SORCS2: variants seen among roughly 807,000 people sequenced by gnomAD.
SORCS2 encodes sortilin related VPS10 domain containing receptor 2.
Under a neutral mutation model 141.6 loss-of-function variants are expected in SORCS2, and 100 were observed. The ratio of observed to expected loss-of-function variants is 0.71; its 90% confidence interval spans 0.60 to 0.83. SORCS2 has a LOEUF of 0.83. Among genes scored for constraint, SORCS2 ranks in the 40% least tolerant of loss-of-function variants. The pLI is 0.00. For missense variants in SORCS2, 1,646 were observed against 1,560.2 expected (o/e 1.05, Z -0.93); for synonymous variants, 789 against 676.9 (o/e 1.17, Z -2.57).
At chr4:7,674,272 A>G (rs1416973406) in intron 8 of SORCS2, among the ~76,000 whole-genome samples, 1 of 151,938 alleles carries the variant, frequency 6.6e-6, no homozygotes, top group Non-Finnish European at 1.5e-5. Context: ...TGTGGGCTGC[A>G]TGGTAGCTCC....
At chr4:7,334,965 G>A (rs951291103) in intron 1 of SORCS2, among the ~76,000 whole-genome samples, 2 of 152,066 alleles carry the variant, frequency 1.3e-5, no homozygotes, top group Non-Finnish European at 2.9e-5. Context: ...GGTGTGGAGG[G>A]AGGGAGGGAA....
chr4:7,646,090 G>A (rs987394438), intron 4 of SORCS2, among the ~76,000 whole-genome samples: 2 of 152,258 alleles, frequency 1.3e-5, no homozygotes, highest in Admixed American at 6.5e-5. Context: ...CCGGGCTACC[G>A]CTGGTGCCGC....
At chr4:7,602,783 G>A (rs571527601) in intron 3 of SORCS2, among the ~76,000 whole-genome samples, 112 of 152,256 alleles carry the variant, frequency 7.4e-4, no homozygotes, top group African/African-American at 2.1e-3. Context: ...CTGCAATCTC[G>A]GCACTTTGGG....
intron 1 of SORCS2, among the ~76,000 whole-genome samples, chr4:7,306,908 T>C (rs780151869): frequency 1.3e-5 from 2 of 152,096 alleles, no homozygotes; most frequent in Non-Finnish European, 2.9e-5. Flanking sequence ...CTGGACTGGG[T>C]GACATTTCCA....
intron 1 of SORCS2, among the ~76,000 whole-genome samples, chr4:7,234,139 T>C (rs1006809913): frequency 3.9e-5 from 6 of 152,206 alleles, no homozygotes; most frequent in Admixed American, 2.6e-4. Context: ...ATGCTTGGGA[T>C]TTGGGCTGTC....
At chr4:7,223,162 G>C (rs1433059946) in intron 1 of SORCS2, among the ~76,000 whole-genome samples, 1 of 152,216 alleles carries the variant, frequency 6.6e-6, no homozygotes, top group East Asian at 1.9e-4. Flanking sequence ...GATCTTGCAA[G>C]AGGAAAGGCC....
chr4:7,278,514 C>A (rs908848247), intron 1 of SORCS2, among the ~76,000 whole-genome samples: 4 of 152,222 alleles, frequency 2.6e-5, no homozygotes, highest in African/African-American at 9.6e-5. Flanking sequence ...TCCCACAGGT[C>A]CAGCTCTGTC....
intron 5 of SORCS2, among the ~76,000 whole-genome samples, chr4:7,655,202 T>TGTACACAC (rs539590139): frequency 3.8e-4 from 57 of 148,984 alleles, no homozygotes; most frequent in African/African-American, 1.4e-3. Context: ...CTTGTGCGTG[T>TGTACACAC]ACACACACAC....
chr4:7,412,692 C>T (rs1033720880), intron 2 of SORCS2, among the ~76,000 whole-genome samples: 41 of 151,930 alleles, frequency 2.7e-4, no homozygotes, highest in African/African-American at 8.7e-4. Flanking sequence ...ACCCCTGGGG[C>T]GGGGGCCCTC....
rs76409338 is a variant in SORCS2, at chr4:7,591,509, C to T, written c.649-46819C>T. Among the ~76,000 whole-genome samples, 13 of 152,242 alleles carry T rather than the reference C, an allele frequency of 8.5e-5. No individual in the cohort carries two copies. The East Asian group carries it at 2.5e-3, about 29-fold the overall frequency. The stretch of plus-strand genomic sequence containing the variant: ...GGCAGGCTGGTGGGGCCTGATCCAC[C>T]GAATGGGAAGTGTGGACTTTTGGCT... On this transcript the variant is annotated intron_variant, in intron 3 of 26. Coordinates refer to ENST00000507866, the MANE Select transcript of SORCS2 (RefSeq NM_020777.3).
intron 2 of SORCS2, among the ~76,000 whole-genome samples, chr4:7,414,723 G>A (rs537331143): frequency 1.5e-4 from 23 of 151,890 alleles, no homozygotes; most frequent in African/African-American, 5.1e-4. Context: ...GAAGAGCAAC[G>A]GTACCAGGTG....
chr4:7,446,496 C>T (rs1434294529), intron 2 of SORCS2, among the ~76,000 whole-genome samples: 3 of 152,202 alleles, frequency 2.0e-5, no homozygotes, highest in African/African-American at 4.8e-5. Flanking sequence ...GCTGTAGGAT[C>T]GTTCCAATCA....
intron 1 of SORCS2, among the ~76,000 whole-genome samples, chr4:7,311,513 C>T (rs1259260191): frequency 6.6e-6 from 1 of 152,198 alleles, no homozygotes; most frequent in African/African-American, 2.4e-5. Context: ...TATATCTCCA[C>T]CAGCAATGAA....
At chr4:7,678,119 G>A (rs923613260) in intron 9 of SORCS2, among the ~76,000 whole-genome samples, 3 of 152,240 alleles carry the variant, frequency 2.0e-5, no homozygotes, top group Non-Finnish European at 2.9e-5. Flanking sequence ...GCAGGAAGAC[G>A]GCTCCCAGCT....
chr4:7,454,232 C>T (rs1403509123), intron 2 of SORCS2, among the ~76,000 whole-genome samples: 1 of 106,580 alleles, frequency 9.4e-6, no homozygotes, highest in African/African-American at 3.9e-5. Context: ...GTGTTGGGGT[C>T]AGGTGCTGTG....
rs144193376 is a variant in SORCS2, at chr4:7,516,507, T to G, written c.549-15023T>G. Among the ~76,000 whole-genome samples, 8 of 151,920 alleles carry G rather than the reference T, an allele frequency of 5.3e-5. No homozygotes were observed. In the East Asian group the frequency reaches 1.6e-3, roughly 30 times the overall value. Reference sequence around the variant, plus strand: ...TGAGGAACAGAGAACGCCGGGTGTTTGGCTGTTGCGTCTGCAGATTTTATC... The same window carrying G: ...TGAGGAACAGAGAACGCCGGGTGTTGGGCTGTTGCGTCTGCAGATTTTATC... On this transcript the variant is annotated intron_variant, in intron 2 of 26. Coordinates refer to ENST00000507866, the MANE Select transcript of SORCS2 (RefSeq NM_020777.3).
chr4:7,219,170 C>CTGTGTGTGTGTG (rs57092836), intron 1 of SORCS2, among the ~76,000 whole-genome samples: 2,445 of 150,722 alleles, frequency 0.016, 66 homozygotes, highest in African/African-American at 0.053. Flanking sequence ...TTTGTCTATG[C>CTGTGTGTGTGTG]TGTGTGTGTG....
rs1434868662 is a variant in SORCS2, at chr4:7,506,073, G to A, written c.549-25457G>A. On this transcript the variant is annotated intron_variant, in intron 2 of 26. Coordinates refer to ENST00000507866, the MANE Select transcript of SORCS2 (RefSeq NM_020777.3). The stretch of plus-strand genomic sequence containing the variant: ...CTCTCTATAGGGGCACTAATCTGGG[G>A]TGGGGAGGCTGTGGAAGCCAGCAGG... Among the ~76,000 whole-genome samples the A allele has an allele frequency of 2.0e-5, 3 of 152,190 alleles. No individual in the cohort carries two copies. In the East Asian group the frequency reaches 5.8e-4, roughly 29 times the overall value.
chr4:7,299,220 C>T (rs11721369), intron 1 of SORCS2, among the ~76,000 whole-genome samples: 2 of 152,338 alleles, frequency 1.3e-5, no homozygotes, highest in Non-Finnish European at 1.5e-5. Flanking sequence ...CGGAGCCAGG[C>T]GAGGTGGGGG....
Sources: allele counts gnomAD v4.1 joint callset (sites outside exome capture counted in the v4.1 genomes callset), GRCh38; gene constraint gnomAD v4.1.1; transcripts MANE v1.5; gene names NCBI Gene and HGNC (gene_info 2026-07-23, HGNC 2026-07-21).